TNRC6B: variants seen among roughly 807,000 people sequenced by gnomAD.
The protein encoded by TNRC6B is trinucleotide repeat-containing gene 6B protein.
TNRC6B carries 52 observed loss-of-function variants against 203.6 expected under a neutral mutation model. That is an observed-to-expected ratio of 0.26 (90% confidence interval 0.20 to 0.32). TNRC6B has a LOEUF of 0.32. TNRC6B is among the 10% of genes least tolerant of loss of function. TNRC6B has a pLI of 1.00. For synonymous variants in TNRC6B, 838 were observed against 845.7 expected, an observed-to-expected ratio of 0.99 and a Z score of 0.16; for missense variants, 1,923 against 2,286.2, an observed-to-expected ratio of 0.84 and a Z score of 3.24.
upstream of TNRC6B, among the ~76,000 whole-genome samples, chr22:40,173,478 T>G (rs2069023540): frequency 6.7e-6 from 1 of 149,830 alleles, no homozygotes; most frequent in African/African-American, 2.5e-5. Flanking sequence ...ACAAAACAGA[T>G]ATATATATAA....
intron 1 of TNRC6B, among the ~76,000 whole-genome samples, chr22:40,057,671 C>T (rs1385995979): frequency 6.6e-6 from 1 of 152,058 alleles, no homozygotes; most frequent in East Asian, 1.9e-4. Context: ...GGAAGTGGAC[C>T]AGGCTTTCTA....
chr22:40,207,823 A>C (rs940984980), intron 1 of TNRC6B, among the ~76,000 whole-genome samples: 2 of 152,140 alleles, frequency 1.3e-5, no homozygotes, highest in African/African-American at 4.8e-5. Context: ...AAGAATTAAG[A>C]AAATACCGGC....
At chr22:40,108,618 A>G (rs2068306988) in intron 1 of TNRC6B, among the ~76,000 whole-genome samples, 1 of 152,208 alleles carries the variant, frequency 6.6e-6, no homozygotes, top group African/African-American at 2.4e-5. Flanking sequence ...TTTTCCAGAC[A>G]TGTGATACTG....
chr22:40,149,495 C>T (rs980361042), intron 3 of TNRC6B, among the ~76,000 whole-genome samples: 1 of 151,944 alleles, frequency 6.6e-6, no homozygotes, highest in East Asian at 1.9e-4. Context: ...GGTGAAACCT[C>T]GTCTCTACTA....
At chr22:40,191,291 C>A (rs890320018) in intron 1 of TNRC6B, among the ~76,000 whole-genome samples, 2 of 152,044 alleles carry the variant, frequency 1.3e-5, no homozygotes, top group Admixed American at 1.3e-4. Flanking sequence ...GAAGAGTGAT[C>A]GTGAAGATTC....
chr22:40,123,766 A>G (rs2068464409), intron 2 of TNRC6B, among the ~76,000 whole-genome samples: 2 of 152,244 alleles, frequency 1.3e-5, no homozygotes, highest in Admixed American at 1.3e-4. Flanking sequence ...AAACAGAGAA[A>G]TGCAGTCTCT....
At chr22:40,255,433 T>C (rs2070258113) in intron 3 of TNRC6B, among the ~76,000 whole-genome samples, 1 of 152,174 alleles carries the variant, frequency 6.6e-6, no homozygotes, top group African/African-American at 2.4e-5. Context: ...TTGAGTCTAC[T>C]CTCATTTATT....
intron 1 of TNRC6B, among the ~76,000 whole-genome samples, chr22:40,052,444 A>ATTTTTTTT (rs908013463): frequency 3.7e-4 from 19 of 51,862 alleles, no homozygotes; most frequent in South Asian, 8.6e-4. Context: ...TGTGTATTGT[A>ATTTTTTTT]TTTTTTTTTT....
chr22:40,255,112 T>C (rs377486180), intron 3 of TNRC6B, among the ~76,000 whole-genome samples: 5 of 152,168 alleles, frequency 3.3e-5, no homozygotes, highest in East Asian at 3.9e-4. Flanking sequence ...CTCAGGTAAC[T>C]GTCTTCAAAA....
At chr22:40,264,200 A>C (rs1410345080) in intron 4 of TNRC6B, among the ~76,000 whole-genome samples, 1 of 152,230 alleles carries the variant, frequency 6.6e-6, no homozygotes, top group African/African-American at 2.4e-5. Context: ...GTAGAAGATA[A>C]GACTAGAAAA....
Position 40,326,642 on chromosome 22 carries a change from CAAAA to C in TNRC6B, c.*3402_*3405del, listed in dbSNP as rs1171088698. The C allele has an allele frequency of 6.7e-6, 1 of 149,206 alleles. No homozygotes were observed. Among genetic ancestry groups the C allele is most frequent in the Non-Finnish European group, 1.5e-5 (1 of 67,010 alleles). 9.2% of individuals were successfully genotyped at this position (149,206 alleles called of 1,614,324 possible). A position where few individuals can be genotyped will look rare whatever the true frequency, so the allele number is the denominator to read the frequency against. ...CTCCTTGTCCCCACAACCCCAGCAACAAAAGAAAGGAAGGAAGGAAGAAACAACA... is the reference window on the plus strand; with the variant it reads ...CTCCTTGTCCCCACAACCCCAGCAACGAAAGGAAGGAAGGAAGAAACAACA... On this transcript the variant is annotated 3_prime_UTR_variant, in exon 23 of 23. Coordinates refer to ENST00000454349, the MANE Select transcript of TNRC6B (RefSeq NM_001162501.2).
At chr22:40,303,211 A>T (rs2071048486) in intron 15 of TNRC6B, among the ~76,000 whole-genome samples, 1 of 151,760 alleles carries the variant, frequency 6.6e-6, no homozygotes, top group African/African-American at 2.4e-5. Context: ...TGTATAGTAG[A>T]GATGGGGTTT....
At position 40,089,263 on chromosome 22, in the gene TNRC6B, C is replaced by G. The variant is rs371896146; in HGVS notation, c.-120-27792C>G. 2.2e-4 allele frequency among the ~76,000 whole-genome samples: 33 copies of G among 151,848 alleles called. 1 individual carries two copies. In the East Asian group the frequency reaches 6.2e-3, roughly 29 times the overall value. The stretch of plus-strand genomic sequence containing the variant: ...TTTTCTTTTTTTTGAGATGAAATCT[C>G]ACTTTGTCACCCAGGCTGGAGCGCA... On this transcript the variant is annotated intron_variant, in intron 1 of 23. Transcript: ENST00000301923.
chr22:40,221,390 C>G lies in TNRC6B; in HGVS notation c.6-24625C>G, dbSNP rs2069706256. ...AGATACGTTTAGTTGTTAATTTTCT[C>G]TCTCAGATAATTCATCTAGCTGAAG... On this transcript the variant is annotated intron_variant, in intron 1 of 22. Transcript: ENST00000454349. Among the ~76,000 whole-genome samples the G allele has an allele frequency of 2.6e-5, 4 of 152,266 alleles. No homozygotes were observed. The South Asian group carries it at 8.3e-4, about 32-fold the overall frequency.
At chr22:40,128,494 A>G (rs879447707) in intron 3 of TNRC6B, among the ~76,000 whole-genome samples, 10 of 151,834 alleles carry the variant, frequency 6.6e-5, no homozygotes, top group Middle Eastern at 3.2e-3. Flanking sequence ...ATTTTTTTTG[A>G]GACTGGATCT....
intron 12 of TNRC6B, among the ~76,000 whole-genome samples, chr22:40,296,625 C>G (rs1414848149): frequency 1.3e-5 from 2 of 148,300 alleles, no homozygotes; most frequent in Non-Finnish European, 3.0e-5. Context: ...AGCCACCGCG[C>G]CCGGCCTTTT....
chr22:40,085,541 T>C (rs914422697), intron 1 of TNRC6B, among the ~76,000 whole-genome samples: 1 of 152,210 alleles, frequency 6.6e-6, no homozygotes, highest in Non-Finnish European at 1.5e-5. Context: ...TGGATTTTGC[T>C]AATTGTGTCC....
intron 1 of TNRC6B, among the ~76,000 whole-genome samples, chr22:40,049,447 TA>T (rs2067727012): frequency 6.6e-6 from 1 of 152,172 alleles, no homozygotes; most frequent in Non-Finnish European, 1.5e-5. Flanking sequence ...GGTCAATTAC[TA>T]AGGGCTCCTT....
chr22:40,281,122 A>C lies in TNRC6B; in HGVS notation c.3415A>C (p.Thr1139Pro), dbSNP rs375851788. 4 of 1,548,372 alleles carry C rather than the reference A, an allele frequency of 2.6e-6. No homozygotes were observed. In the Admixed American group the frequency reaches 7.9e-5, roughly 31 times the overall value. Residue 1139 changes from threonine to proline, a missense_variant, in exon 11 of 23, where the codon ACT (threonine) becomes CCT (proline). Thr to Pro is a conservative substitution (Grantham distance 38, BLOSUM62 -1). Coordinates refer to ENST00000454349, the MANE Select transcript of TNRC6B (RefSeq NM_001162501.2). ...GCTAACTCCTACTACTTTTCAGCTG[A>C]CTTTGCCTTTCTCCAATCAAGATGG... ...TDSGPYFEKL[T>P]LPFSNQDGCL...
Sources: gnomAD v4.1 joint callset for allele counts (sites outside exome capture counted in the v4.1 genomes callset) on GRCh38, gnomAD v4.1.1 for gene constraint, MANE v1.5 for transcripts, NCBI Gene and HGNC (gene_info 2026-07-23, HGNC 2026-07-21) for gene names.